The following ZNF592 variants were observed in gnomAD, a reference collection of about 807,000 sequenced individuals.
The protein encoded by ZNF592 is zinc finger protein 592.
Under a neutral mutation model 80.3 loss-of-function variants are expected in ZNF592, and 11 were observed. The observed-to-expected ratio is 0.14, with a 90% confidence interval of 0.09 to 0.23. The LOEUF (loss-of-function observed/expected upper bound fraction) is 0.23. Among genes scored for constraint, ZNF592 ranks in the 10% least tolerant of loss-of-function variants. The pLI is 1.00. For missense variants in ZNF592, 1,420 were observed against 1,633.9 expected (o/e 0.87, Z 2.26); for synonymous variants, 646 against 640.3 (o/e 1.01, Z -0.13).
intron 3 of ZNF592, 55 bp from the exon 4 acceptor site, chr15:84,782,602 G>A: frequency 2.0e-6 from 3 of 1,532,674 alleles, no homozygotes; most frequent in Middle Eastern, 2.1e-4. Flanking sequence ...GTGTAGTGAA[G>A]ATGGTCCAGT....
chr15:84,797,430 G>A (rs998636649), intron 5 of ZNF592, among the ~76,000 whole-genome samples: 7 of 152,306 alleles, frequency 4.6e-5, no homozygotes, highest in African/African-American at 1.7e-4. Flanking sequence ...ACTCATACCA[G>A]CCTGTGGGAA....
rs771894041 is a variant in ZNF592, at chr15:84,757,308, ATTCTT to A, written c.-258-7382_-258-7378del. 6.1e-5 allele frequency among the ~76,000 whole-genome samples: 9 copies of A among 147,546 alleles called. No homozygotes were observed. The East Asian group carries it at 1.0e-3, about 17-fold the overall frequency. ...AGGTGTACCACTGTCCCTGATCATT[ATTCTT>A]TTCTTTTCTTTTCTTTCTTTCTTTC... On this transcript the variant is annotated intron_variant, in intron 1 of 10. Transcript: ENST00000560079.
intron 4 of ZNF592, among the ~76,000 whole-genome samples, chr15:84,788,661 C>G (rs1336664205): frequency 2.0e-5 from 3 of 152,120 alleles, no homozygotes; most frequent in Non-Finnish European, 2.9e-5. Flanking sequence ...TGTTGTGAAA[C>G]CAGTCTCCAG....
At chr15:84,801,415 G>A (rs1458915987) in intron 10 of ZNF592, among the ~76,000 whole-genome samples, 3 of 152,164 alleles carry the variant, frequency 2.0e-5, no homozygotes, top group African/African-American at 4.8e-5. Flanking sequence ...TGGGAGGATC[G>A]CTTAAGCCCG....
intron 1 of ZNF592, among the ~76,000 whole-genome samples, chr15:84,749,278 A>T (rs1898942506): frequency 6.6e-6 from 1 of 152,152 alleles, no homozygotes. Context: ...TCTCTCTGCA[A>T]GGGCTCTTCC....
intron 1 of ZNF592, among the ~76,000 whole-genome samples, chr15:84,764,073 G>A (rs1292760178): frequency 6.6e-6 from 1 of 152,060 alleles, no homozygotes; most frequent in Non-Finnish European, 1.5e-5. Context: ...ATCTGCCCCC[G>A]CCATGATTTC....
intron 4 of ZNF592, among the ~76,000 whole-genome samples, chr15:84,787,079 G>A (rs566156597): frequency 3.3e-5 from 5 of 151,946 alleles, no homozygotes; most frequent in South Asian, 2.1e-4. Context: ...CTTGAACTTC[G>A]GACCTCAAGT....
At chr15:84,762,116 A>ATG (rs535046571) in intron 1 of ZNF592, among the ~76,000 whole-genome samples, 4 of 152,180 alleles carry the variant, frequency 2.6e-5, no homozygotes, top group Non-Finnish European at 5.9e-5. Flanking sequence ...TAGAGTATAT[A>ATG]TGTGATGGTC....
chr15:84,749,684 G>T (rs1898956011), intron 1 of ZNF592, among the ~76,000 whole-genome samples: 1 of 152,130 alleles, frequency 6.6e-6, no homozygotes, highest in Admixed American at 6.5e-5. Flanking sequence ...TGCTTCTGTC[G>T]CGGGTGCAGT....
intron 5 of ZNF592, among the ~76,000 whole-genome samples, chr15:84,796,248 AT>A (rs1962906963): frequency 3.3e-5 from 1 of 30,762 alleles, no homozygotes; most frequent in Non-Finnish European, 5.0e-5. Context: ...AAATATATAT[AT>A]ATATATATAT....
Position 84,784,730 on chromosome 15 carries a change from C to T in ZNF592, c.2055C>T (p.Leu685=). ...CTTCATCCTCTCCCAAACATGGCCT[C>T]ACTTCGGGCAGTGCCAGTCCCCCTC... The part of the protein sequence containing the change: ...PAPSSSPKHG[L]TSGSASPPPP... Residue 685 remains leucine, a synonymous_variant, in exon 4 of 11, where the codon CTC becomes CTT. Coordinates refer to ENST00000560079, the MANE Select transcript of ZNF592 (RefSeq NM_014630.3). The surrounding 1 kb of genome is among the most constrained non-coding windows in gnomAD (Gnocchi z 5.8). 6.2e-7 allele frequency: 1 copy of T among 1,614,134 alleles called. No homozygotes were observed. The highest frequency in any genetic ancestry group is 8.5e-7 in the Non-Finnish European group (1 of 1,180,036).
intron 1 of ZNF592, among the ~76,000 whole-genome samples, chr15:84,757,029 C>T (rs1899193208): frequency 6.6e-6 from 1 of 152,024 alleles, no homozygotes; most frequent in South Asian, 2.1e-4. Flanking sequence ...GGGAGAATCG[C>T]TTGAACCTGG....
chr15:84,779,989 G>GTT (rs1402357185), intron 3 of ZNF592, among the ~76,000 whole-genome samples: 73 of 139,034 alleles, frequency 5.3e-4, no homozygotes, highest in African/African-American at 1.0e-3. Flanking sequence ...AGACAGTTTT[G>GTT]TTTTTTTTTT....
At chr15:84,758,837 A>G (rs535333291) in intron 1 of ZNF592, among the ~76,000 whole-genome samples, 4 of 151,726 alleles carry the variant, frequency 2.6e-5, no homozygotes, top group South Asian at 2.1e-4. Context: ...GAGGTGGGAG[A>G]ATCACCCAAG....
rs778157390 is a variant in ZNF592, at chr15:84,783,576, A to C, written c.901A>C (p.Lys301Gln). ...GGCCAAAAGAGTGGCTAGTGTCACT[A>C]AGGAGGATCAGCCTGGCCACACAAA... ...LQAKRVASVTKEDQPGHTKDL... is the reference protein window; with the variant it reads ...LQAKRVASVTQEDQPGHTKDL... The change falls in exon 4 of 11, where the codon AAG becomes CAG. Residue 301 changes from lysine to glutamine, a missense_variant. Coordinates refer to ENST00000560079, the MANE Select transcript of ZNF592 (RefSeq NM_014630.3). This position sits in a 1 kb window ranked among gnomAD's most constrained non-coding sequence, Gnocchi z 5.0. The C allele has an allele frequency of 1.9e-5, 31 of 1,614,084 alleles. No homozygotes were observed. In the Admixed American group the frequency reaches 4.5e-4, roughly 23 times the overall value.
intron 1 of ZNF592, among the ~76,000 whole-genome samples, chr15:84,755,124 A>ATTTTT (rs34356102): frequency 2.6e-5 from 3 of 115,606 alleles, no homozygotes; most frequent in Non-Finnish European, 3.5e-5. Flanking sequence ...CACCCAGCTA[A>ATTTTT]TTTTTTTTTT....
intron 4 of ZNF592, among the ~76,000 whole-genome samples, chr15:84,790,337 C>T (rs901529195): frequency 3.3e-5 from 5 of 152,004 alleles, no homozygotes; most frequent in African/African-American, 1.2e-4. Context: ...TGACAGAGAC[C>T]CTGGTGGGTC....
intron 1 of ZNF592, chr15:84,753,499 G>C (rs1011965367): frequency 2.0e-5 from 3 of 152,142 alleles, no homozygotes; most frequent in African/African-American, 7.2e-5. Context: ...TTGAGATGGA[G>C]TCTCACTCTG....
rs1246767008 is a variant in ZNF592 at position 84,783,936 on chromosome 15, A to T, written c.1261A>T (p.Met421Leu). 1 of 1,614,048 alleles carries T rather than the reference A, an allele frequency of 6.2e-7. No homozygotes were observed. Among genetic ancestry groups the T allele is most frequent in the Non-Finnish European group, 8.5e-7 (1 of 1,179,882 alleles). Residue 421 changes from methionine (M) to leucine (L), a missense_variant, in exon 4 of 11, where the codon ATG (methionine) becomes TTG (leucine). Met to Leu is a conservative substitution (Grantham distance 15). Around this residue, in one of 7 missense-constraint regions of ZNF592, gnomAD observed 524 missense variants for 628.3 expected, o/e 0.83. Coordinates refer to ENST00000560079, the MANE Select transcript of ZNF592 (RefSeq NM_014630.3). This position sits in a 1 kb window ranked among gnomAD's most constrained non-coding sequence, Gnocchi z 5.0. ...GSAIAEAPSE[M>L]PGDEVPVEEH... is the part of the protein sequence containing the mutation. ...CGCCATTGCAGAGGCCCCCAGCGAG[A>T]TGCCAGGGGATGAGGTGCCTGTGGA... is the stretch of plus-strand genomic sequence containing the variant.
Sources: allele counts gnomAD v4.1 joint callset (sites outside exome capture counted in the v4.1 genomes callset), GRCh38; gene constraint gnomAD v4.1.1; regional missense constraint gnomAD v4.1.1; non-coding constraint Gnocchi (gnomAD v3.1); transcripts MANE v1.5; gene names NCBI Gene and HGNC (gene_info 2026-07-23, HGNC 2026-07-21).